Variants in CADM2 observed in about 807,000 individuals in gnomAD.
The protein encoded by CADM2 is cell adhesion molecule 2.
In CADM2, 12 loss-of-function variants were observed where a neutral mutation model predicts 49.8. The observed-to-expected ratio is 0.24, with a 90% CI of 0.15 to 0.39. CADM2 has a LOEUF of 0.39. CADM2 is among the 10% of genes least tolerant of loss of function. The pLI, the probability that CADM2 is intolerant of heterozygous loss-of-function variation, is 1.00. For synonymous variants in CADM2, 214 were observed against 175.4 expected, an observed-to-expected ratio of 1.22 and a Z score of -1.74; for missense variants, 378 against 492.3, an observed-to-expected ratio of 0.77 and a Z score of 2.20.
chr3:85,728,579 T>C (rs1221276310), intron 2 of CADM2, among the ~76,000 whole-genome samples: 2 of 151,910 alleles, frequency 1.3e-5, no homozygotes, highest in Admixed American at 6.6e-5. Context: ...AAACCCAAGA[T>C]AATATAAGAG....
At chr3:85,992,792 G>T (rs1224215486) in intron 8 of CADM2, 1 of 152,186 alleles carries the variant, frequency 6.6e-6, no homozygotes, top group Admixed American at 6.5e-5. Context: ...CTTTGATGTT[G>T]ATGGCTGCTG....
intron 1 of CADM2, among the ~76,000 whole-genome samples, chr3:85,422,055 A>T (rs1375688696): frequency 6.6e-6 from 1 of 152,212 alleles, no homozygotes; most frequent in Non-Finnish European, 1.5e-5. Context: ...TTGTGTGTAC[A>T]TATATATTGT....
chr3:85,001,538 CA>C (rs2033463007), intron 1 of CADM2, among the ~76,000 whole-genome samples: 1 of 151,950 alleles, frequency 6.6e-6, no homozygotes, highest in Non-Finnish European at 1.5e-5. Context: ...GTTCAAAGAT[CA>C]GAAAGGCAAG....
intron 8 of CADM2, among the ~76,000 whole-genome samples, chr3:85,998,198 A>G (rs1370470757): frequency 6.6e-6 from 1 of 152,180 alleles, no homozygotes; most frequent in African/African-American, 2.4e-5. Context: ...GATTTTGGAT[A>G]TAGCATATGT....
At chr3:85,486,297 T>A (rs2039413368) in intron 1 of CADM2, among the ~76,000 whole-genome samples, 1 of 138,936 alleles carries the variant, frequency 7.2e-6, no homozygotes, top group South Asian at 2.2e-4. Context: ...TATAGGCAAT[T>A]TTAGGGGGAA....
intron 1 of CADM2, among the ~76,000 whole-genome samples, chr3:85,657,877 T>A (rs1405879997): frequency 6.6e-6 from 1 of 151,464 alleles, no homozygotes; most frequent in African/African-American, 2.4e-5. Context: ...AAGAGTGTAA[T>A]TGCAGATGTA....
intron 8 of CADM2, among the ~76,000 whole-genome samples, chr3:86,018,656 T>A (rs916317749): frequency 5.3e-5 from 8 of 152,232 alleles, no homozygotes; most frequent in Admixed American, 5.2e-4. Flanking sequence ...CATGTGTTTT[T>A]TGGCTGCATA....
rs529394032 is a variant in CADM2 at position 85,391,494 on chromosome 3, GGAAGGCTCTTCAGGCAAGGCAGAGACC to G, written c.62-335023_62-334997del. ...GACTGCTATAAAGGATACACAAGATGGAAGGCTCTTCAGGCAAGGCAGAGACCGAAGACTCATATGTAAATTGCAAAC... is the reference window on the plus strand; with the variant it reads ...GACTGCTATAAAGGATACACAAGATGGAAGACTCATATGTAAATTGCAAAC... On this transcript the variant is annotated intron_variant, in intron 1 of 9. Transcript: ENST00000383699. Among the ~76,000 whole-genome samples, 1,257 of 152,076 alleles carry G rather than the reference GGAAGGCTCTTCAGGCAAGGCAGAGACC, an allele frequency of 8.3e-3. 12 individuals carry two copies. Among genetic ancestry groups the G allele is most frequent in the Middle Eastern group, 0.017 (5 of 294 alleles).
At chr3:85,973,259 C>A (rs144828285) in intron 8 of CADM2, among the ~76,000 whole-genome samples, 4 of 151,812 alleles carry the variant, frequency 2.6e-5, no homozygotes, top group Non-Finnish European at 5.9e-5. Context: ...CCCAGCTACT[C>A]AGGATGCTGA....
At chr3:85,167,645 T>G (rs1370129147) in intron 1 of CADM2, among the ~76,000 whole-genome samples, 1 of 152,204 alleles carries the variant, frequency 6.6e-6, no homozygotes, top group Non-Finnish European at 1.5e-5. Flanking sequence ...GTGTTATACT[T>G]TCTCCATTGA....
chr3:85,536,144 A>T (rs1246549177), intron 1 of CADM2, among the ~76,000 whole-genome samples: 5 of 152,048 alleles, frequency 3.3e-5, no homozygotes, highest in Admixed American at 2.0e-4. Context: ...TGTTTAAGGG[A>T]TTAACTGATA....
intron 1 of CADM2, among the ~76,000 whole-genome samples, chr3:85,587,976 A>T (rs2062990836): frequency 6.6e-6 from 1 of 151,972 alleles, no homozygotes; most frequent in Non-Finnish European, 1.5e-5. Flanking sequence ...CATGTTGCCC[A>T]AGCTGGTTTC....
At chr3:85,637,478 T>C (rs1457268937) in intron 1 of CADM2, among the ~76,000 whole-genome samples, 1 of 148,412 alleles carries the variant, frequency 6.7e-6, no homozygotes, top group East Asian at 2.0e-4. Context: ...GGCGGGCGCC[T>C]GTAGTCCCAG....
At chr3:85,477,579 A>T (rs988149271) in intron 1 of CADM2, among the ~76,000 whole-genome samples, 2 of 151,918 alleles carry the variant, frequency 1.3e-5, no homozygotes, top group Non-Finnish European at 2.9e-5. Flanking sequence ...CAGCCAAAGC[A>T]AAAGAAAATA....
intron 1 of CADM2, among the ~76,000 whole-genome samples, chr3:85,175,951 C>G (rs1440820429): frequency 4.7e-5 from 4 of 84,548 alleles, no homozygotes; most frequent in African/African-American, 2.7e-4. Context: ...TTTTTTGAGA[C>G]GGAGTCTCGC....
At chr3:85,215,357 TTAAAAAAAA>T (rs2041895225) in intron 1 of CADM2, among the ~76,000 whole-genome samples, 1 of 114,378 alleles carries the variant, frequency 8.7e-6, no homozygotes, top group African/African-American at 3.4e-5. Flanking sequence ...TCTCTCTTTT[TTAAAAAAAA>T]AAAAAAAAAA....
At chr3:85,464,572 G>C in intron 1 of CADM2, among the ~76,000 whole-genome samples, 1 of 152,054 alleles carries the variant, frequency 6.6e-6, no homozygotes, top group East Asian at 1.9e-4. Context: ...TCCCCGCTAA[G>C]TCTATTTCTT....
intron 1 of CADM2, among the ~76,000 whole-genome samples, chr3:85,204,793 A>C (rs1378825708): frequency 6.6e-6 from 1 of 152,130 alleles, no homozygotes; most frequent in African/African-American, 2.4e-5. Context: ...AAACTAGGAG[A>C]GACCATAAAA....
At chr3:85,103,118 T>A (rs2038072160) in intron 1 of CADM2, among the ~76,000 whole-genome samples, 1 of 152,032 alleles carries the variant, frequency 6.6e-6, no homozygotes, top group Non-Finnish European at 1.5e-5. Flanking sequence ...CCTGTGTGAG[T>A]TCATGGAAGA....
Sources: gnomAD v4.1 joint callset for allele counts (sites outside exome capture counted in the v4.1 genomes callset) on GRCh38, gnomAD v4.1.1 for gene constraint, MANE v1.5 for transcripts, NCBI Gene and HGNC (gene_info 2026-07-23, HGNC 2026-07-21) for gene names.